Variants in GNB5 observed in about 807,000 individuals in gnomAD.
The protein encoded by GNB5 is guanine nucleotide-binding protein subunit beta-5.
GNB5 carries 37 observed loss-of-function variants against 55.3 expected under a neutral mutation model. The observed-to-expected ratio is 0.67, with a 90% CI of 0.51 to 0.88. GNB5 has a LOEUF of 0.88. Ranked by LOEUF, GNB5 falls within the 40% of genes least tolerant of loss-of-function variation. The pLI, the probability that GNB5 is intolerant of heterozygous loss-of-function variation, is 0.00. For synonymous variants in GNB5, 219 were observed against 198.5 expected, an observed-to-expected ratio of 1.10 and a Z score of -0.87; for missense variants, 476 against 515.3, an observed-to-expected ratio of 0.92 and a Z score of 0.74.
chr15:52,154,690 G>A (rs571443244), intron 3 of GNB5, among the ~76,000 whole-genome samples: 2 of 152,318 alleles, frequency 1.3e-5, no homozygotes, highest in African/African-American at 4.8e-5. Flanking sequence ...GCCTGGACAT[G>A]GCAGGTTCCT....
chr15:52,127,235 G>A (rs953488276), intron 10 of GNB5, among the ~76,000 whole-genome samples: 1 of 152,144 alleles, frequency 6.6e-6, no homozygotes, highest in South Asian at 2.1e-4. Context: ...AATCCTAGTG[G>A]CAAAATGGGC....
At chr15:52,129,506 G>A (rs916751229) in intron 9 of GNB5, among the ~76,000 whole-genome samples, 3 of 152,170 alleles carry the variant, frequency 2.0e-5, no homozygotes, top group Non-Finnish European at 2.9e-5. Context: ...CCATCACAGT[G>A]TGGGCACATT....
At position 52,167,386 on chromosome 15, in the gene GNB5, T is replaced by C. The variant is rs538205115; in HGVS notation, c.238+12382A>G. On this transcript the variant is annotated intron_variant, in intron 3 of 12. Transcript: ENST00000261837. ...AGAGACACAACAAAAAAAGAAAACT[T>C]TGGCCGAGTGCAGTGGCCCACGTCT... Among the ~76,000 whole-genome samples the C allele has an allele frequency of 7.2e-4, 110 of 152,220 alleles. 3 individuals carry two copies. The South Asian group carries it at 0.022, about 30-fold the overall frequency.
chr15:52,118,188 A>G lies in GNB5; in HGVS notation c.*4569T>C, dbSNP rs2033181478. On this transcript the variant is annotated 3_prime_UTR_variant, in exon 13 of 13. Transcript: ENST00000261837. ...CATCCTGTCACCTCTTTCTTTGCCA[A>G]GCTCTTCCAAGGCCCTTAGTGGTTT... 1 of 152,222 alleles carries G rather than the reference A, an allele frequency of 6.6e-6. No individual in the cohort carries two copies. The highest frequency in any genetic ancestry group is 6.6e-5 in the Admixed American group (1 of 15,266). The allele number at this position is 152,222 out of a possible 1,614,324, so 9.4% of individuals were successfully genotyped here. A position where few individuals can be genotyped will look rare whatever the true frequency, so the allele number is the denominator to read the frequency against.
At chr15:52,178,773 G>A (rs924776901) in intron 3 of GNB5, among the ~76,000 whole-genome samples, 3 of 152,198 alleles carry the variant, frequency 2.0e-5, no homozygotes, top group Non-Finnish European at 4.4e-5. Flanking sequence ...AGATCAAAAG[G>A]TAAAGGCCCT....
intron 7 of GNB5, among the ~76,000 whole-genome samples, chr15:52,136,356 G>T (rs1249269694): frequency 6.6e-6 from 1 of 152,202 alleles, no homozygotes; most frequent in African/African-American, 2.4e-5. Context: ...CTCGTAGGAA[G>T]TGTTCCGTGA....
At chr15:52,141,050 T>C in intron 7 of GNB5, 90 bp downstream of exon 7, 1 of 1,105,628 alleles carries the variant, frequency 9.0e-7, no homozygotes, top group Non-Finnish European at 1.4e-6. Context: ...AGCCATCTTG[T>C]TCAGAGAGAC....
At position 52,147,069 on chromosome 15, in the gene GNB5, T is replaced by C. The variant is rs79064359; in HGVS notation, c.494+390A>G. ...CCAAAATGTTTGCAACGTTTATGGT[T>C]CTGCCAAAAGCATTTGAGAGAGCAG... On this transcript the variant is annotated intron_variant, in intron 6 of 12. Coordinates refer to ENST00000261837, the MANE Select transcript of GNB5 (RefSeq NM_016194.4). 6.7e-3 allele frequency: 1,258 copies of C among 187,072 alleles called. 18 individuals carry two copies. Among genetic ancestry groups the C allele is most frequent in the African/African-American group, 0.029 (1,209 of 41,740 alleles). The allele number at this position is 187,072 out of a possible 1,614,324, so 11.6% of individuals were successfully genotyped here.
chr15:52,143,710 G>A (rs1232629992), intron 6 of GNB5, among the ~76,000 whole-genome samples: 3 of 152,284 alleles, frequency 2.0e-5, no homozygotes, highest in South Asian at 2.1e-4. Flanking sequence ...TAGAGAATGT[G>A]GCATCGGTGT....
intron 3 of GNB5, among the ~76,000 whole-genome samples, chr15:52,161,590 C>T (rs1043437287): frequency 1.3e-5 from 2 of 152,170 alleles, no homozygotes; most frequent in African/African-American, 2.4e-5. Flanking sequence ...TGTGAGCCAC[C>T]GTGCCCAGCC....
At chr15:52,179,689 C>A in intron 3 of GNB5, 79 bp downstream of exon 3, 1 of 894,384 alleles carries the variant, frequency 1.1e-6, no homozygotes, top group South Asian at 2.8e-5. Context: ...CACGACCGCC[C>A]CCACCGCCCC....
At chr15:52,130,321 T>G (rs2033543303) in intron 9 of GNB5, among the ~76,000 whole-genome samples, 1 of 152,178 alleles carries the variant, frequency 6.6e-6, no homozygotes, top group Admixed American at 6.5e-5. Flanking sequence ...GTAGCCAGTG[T>G]TCGCCCTGGA....
chr15:52,135,505 C>T (rs1596062830), intron 8 of GNB5, 108 bp downstream of exon 8: 3 of 949,092 alleles, frequency 3.2e-6, no homozygotes, highest in Non-Finnish European at 4.9e-6. Flanking sequence ...ATTCCTGCAG[C>T]CCCTTCTAGG....
intron 7 of GNB5, chr15:52,137,753 C>T (rs2141196976): frequency 8.3e-7 from 1 of 1,197,632 alleles, no homozygotes; most frequent in East Asian, 5.9e-5. Flanking sequence ...CCCTCATAGG[C>T]CCAGCTGGCG....
chr15:52,142,594 G>A (rs1340716078), intron 6 of GNB5, among the ~76,000 whole-genome samples: 1 of 150,770 alleles, frequency 6.6e-6, no homozygotes, highest in South Asian at 2.1e-4. Flanking sequence ...GACCCCTATT[G>A]GTCCTTGAAC....
intron 9 of GNB5, among the ~76,000 whole-genome samples, chr15:52,132,636 A>ATTTTTTTTTTTTTTTTTTTTTTT (rs1216272462): frequency 1.5e-5 from 2 of 134,802 alleles, no homozygotes; most frequent in African/African-American, 2.9e-5. Context: ...TGCCCTGCTA[A>ATTTTTTTTTTTTTTTTTTTTTTT]TTTTTTTTTT....
At chr15:52,179,578 C>T (rs1333371867) in intron 3 of GNB5, among the ~76,000 whole-genome samples, 190 bp downstream of exon 3, 1 of 151,710 alleles carries the variant, frequency 6.6e-6, no homozygotes, top group Admixed American at 6.6e-5. Flanking sequence ...CCCACCGCCG[C>T]GCGTCCCGGG....
intron 2 of GNB5, among the ~76,000 whole-genome samples, chr15:52,183,143 G>A (rs1036701507): frequency 3.9e-5 from 6 of 152,178 alleles, no homozygotes; most frequent in South Asian, 2.1e-4. Flanking sequence ...GGCAAAAACC[G>A]CAATTACTTT....
intron 8 of GNB5, among the ~76,000 whole-genome samples, chr15:52,135,344 C>T (rs144527693): frequency 8.7e-4 from 132 of 152,264 alleles, no homozygotes; most frequent in African/African-American, 3.0e-3. Flanking sequence ...GGAGAACATT[C>T]CAGATTACTC....
Sources: gnomAD v4.1 joint callset for allele counts (sites outside exome capture counted in the v4.1 genomes callset) on GRCh38, gnomAD v4.1.1 for gene constraint, MANE v1.5 for transcripts, NCBI Gene and HGNC (gene_info 2026-07-23, HGNC 2026-07-21) for gene names.